Variants in CLUL1 observed in about 807,000 individuals in gnomAD.
CLUL1 encodes the protein clusterin-like protein 1.
In CLUL1, 43 loss-of-function variants were observed where a neutral mutation model predicts 49.4. The observed-to-expected ratio is 0.87, with a 90% CI of 0.68 to 1.12. The LOEUF (loss-of-function observed/expected upper bound fraction) is 1.12, where lower values mean the gene tolerates loss of function less well. Ranked by LOEUF, CLUL1 falls within the 50% of genes most tolerant of loss-of-function variation. The pLI, the probability that CLUL1 is intolerant of heterozygous loss-of-function variation, is 0.00. For synonymous variants in CLUL1, 192 were observed against 184.9 expected (o/e 1.04, Z -0.31); for missense variants, 486 against 544.4 (o/e 0.89, Z 1.07).
intron 7 of CLUL1, among the ~76,000 whole-genome samples, chr18:636,284 G>A (rs2074133446): frequency 6.6e-6 from 1 of 152,000 alleles, no homozygotes; most frequent in African/African-American, 2.4e-5. Flanking sequence ...TTGTAAATTG[G>A]GGACCATATG....
At chr18:605,965 C>A (rs2072962709) in intron 1 of CLUL1, among the ~76,000 whole-genome samples, 2 of 152,092 alleles carry the variant, frequency 1.3e-5, no homozygotes, top group Admixed American at 1.3e-4. Flanking sequence ...ACACCCAGCC[C>A]CAGTGTAGTC....
chr18:646,938 A>C (rs964578234), intron 9 of CLUL1, among the ~76,000 whole-genome samples: 1 of 151,832 alleles, frequency 6.6e-6, no homozygotes, highest in Non-Finnish European at 1.5e-5. Context: ...TTTAGTAGAG[A>C]CAGGGTTTCA....
intron 6 of CLUL1, among the ~76,000 whole-genome samples, chr18:632,449 G>C (rs1364391934): frequency 1.3e-5 from 2 of 152,028 alleles, no homozygotes; most frequent in African/African-American, 2.4e-5. Context: ...TAATATCTTT[G>C]AAACTTCTTC....
chr18:645,233 G>C (rs985947445), intron 9 of CLUL1, 136 bp downstream of exon 9: 3 of 570,690 alleles, frequency 5.3e-6, no homozygotes, highest in Non-Finnish European at 8.5e-6. Context: ...CAAACAAGAT[G>C]GCATTTTCTG....
intron 1 of CLUL1, among the ~76,000 whole-genome samples, chr18:604,624 G>T (rs987940191): frequency 2.0e-5 from 3 of 152,084 alleles, no homozygotes; most frequent in African/African-American, 7.2e-5. Flanking sequence ...CATAAACTAT[G>T]AACTTAAAAT....
Position 645,792 on chromosome 18 carries a change from T to TAAAAAAAAA in CLUL1, c.1397+706_1397+714dup, listed in dbSNP as rs869103727. On this transcript the variant is annotated intron_variant, in intron 9 of 9. Coordinates refer to ENST00000692774, the MANE Select transcript of CLUL1 (RefSeq NM_001393344.1). ...CTGGGCGACAGAGCGAGACTCTGTT[T>TAAAAAAAAA]AAAAAAAAAAAAAAAAAAATATATA... Among the ~76,000 whole-genome samples, 50 of 16,080 alleles carry TAAAAAAAAA rather than the reference T, an allele frequency of 3.1e-3. 21 individuals are homozygous for TAAAAAAAAA. Among genetic ancestry groups the TAAAAAAAAA allele is most frequent in the East Asian group, 0.024 (6 of 250 alleles). The allele number at this position is 16,080 out of a possible 152,430, so 10.5% of individuals were successfully genotyped here.
intron 7 of CLUL1, among the ~76,000 whole-genome samples, chr18:636,551 A>G (rs1336468239): frequency 6.6e-6 from 1 of 151,992 alleles, no homozygotes; most frequent in Non-Finnish European, 1.5e-5. Context: ...TGAGTTTAAT[A>G]GAGTCTATTA....
At chr18:641,270 C>A in intron 7 of CLUL1, 57 bp from the exon 8 acceptor site, 1 of 1,485,980 alleles carries the variant, frequency 6.7e-7, no homozygotes, top group Non-Finnish European at 9.4e-7. Flanking sequence ...GCCCATGTTG[C>A]CCACCTCCAA....
At chr18:619,686 A>G (rs895766611) in intron 4 of CLUL1, among the ~76,000 whole-genome samples, 2 of 150,914 alleles carry the variant, frequency 1.3e-5, no homozygotes, top group African/African-American at 4.9e-5. Context: ...TTTTTACTAG[A>G]TCAGTGGTCT....
In CLUL1 at chr18:628,576, C is replaced by T. The variant is rs564007451; in HGVS notation, c.856+1047C>T. Among the ~76,000 whole-genome samples, 4 of 152,126 alleles carry T rather than the reference C, an allele frequency of 2.6e-5. No individual in the cohort carries two copies. The South Asian group carries it at 6.2e-4, about 24-fold the overall frequency. ...ATTGACCCCTAAGCCAGGTTGAAGG[C>T]TGCTCCCCTCTGAGATGAAAAATAA... On this transcript the variant is annotated intron_variant, in intron 6 of 9. Transcript: ENST00000692774.
chr18:627,996 T>C (rs868704966), intron 6 of CLUL1, among the ~76,000 whole-genome samples: 1 of 152,146 alleles, frequency 6.6e-6, no homozygotes, highest in African/African-American at 2.4e-5. Context: ...GCTAATTTTT[T>C]TGTATTTTTA....
In CLUL1 at chr18:610,489, C is replaced by T. The variant is rs1163637080; in HGVS notation, c.-14+3390C>T. 3.3e-5 allele frequency among the ~76,000 whole-genome samples: 5 copies of T among 152,250 alleles called. No homozygotes were observed. In the South Asian group the frequency reaches 8.3e-4, roughly 25 times the overall value. On this transcript the variant is annotated intron_variant, in intron 2 of 9. Coordinates refer to ENST00000692774, the MANE Select transcript of CLUL1 (RefSeq NM_001393344.1). Reference sequence around the variant, plus strand: ...GGTTAGGAACTGTTGAAACTGAAATCCCTGAGGGCTGTGCCGACAGAGAGA... The same window carrying T: ...GGTTAGGAACTGTTGAAACTGAAATTCCTGAGGGCTGTGCCGACAGAGAGA...
At chr18:632,138 C>G (rs2074008367) in intron 6 of CLUL1, among the ~76,000 whole-genome samples, 1 of 152,158 alleles carries the variant, frequency 6.6e-6, no homozygotes, top group African/African-American at 2.4e-5. Context: ...GTCAAACACT[C>G]TATTGGGAAC....
At chr18:635,463 C>T (rs568588268) in intron 7 of CLUL1, among the ~76,000 whole-genome samples, 30 of 152,122 alleles carry the variant, frequency 2.0e-4, no homozygotes, top group Admixed American at 1.0e-3. Flanking sequence ...GATATGGGTC[C>T]GTGGCCCAGG....
rs553599836 is a variant in CLUL1, at chr18:627,510, T to C, written c.837T>C (p.Asp279=). 1 of 1,607,818 alleles carries C rather than the reference T, an allele frequency of 6.2e-7. No individual in the cohort carries two copies. The highest frequency in any genetic ancestry group is 1.7e-5 in the Admixed American group (1 of 59,522). ...TITKMLKAIE[D]LPKQDKAPDH... is the part of the protein sequence containing the mutation. ...CTAAGATGCTGAAGGCAATAGAAGATTTACCAAAACAAGACAAAGGCAAGT... is the reference window on the plus strand; with the variant it reads ...CTAAGATGCTGAAGGCAATAGAAGACTTACCAAAACAAGACAAAGGCAAGT... The change falls in exon 6 of 10, where the codon GAT becomes GAC. Residue 279 remains aspartate, a synonymous_variant. Coordinates refer to ENST00000692774, the MANE Select transcript of CLUL1 (RefSeq NM_001393344.1).
At position 618,091 on chromosome 18, in the gene CLUL1, A is replaced by G. The variant is rs757382899; in HGVS notation, c.91A>G (p.Ser31Gly). Reference protein sequence around the residue: ...APTWKDKTAISENLKSFSEVG... With the variant: ...APTWKDKTAIGENLKSFSEVG... ...CACTTGGAAGGACAAAACTGCTATC[A>G]GTGAAAACCTGAAGAGTACGTTTGG... is the stretch of plus-strand genomic sequence containing the variant. Residue 31 changes from serine to glycine, a missense_variant, in exon 3 of 10, where the codon AGT (serine) becomes GGT (glycine). By Grantham distance (56) the Ser-to-Gly change is moderately conservative. Transcript: ENST00000692774. This position sits in a 1 kb window ranked among gnomAD's most constrained non-coding sequence, Gnocchi z 4.2. 1 of 1,613,390 alleles carries G rather than the reference A, an allele frequency of 6.2e-7. No homozygotes were observed. Among genetic ancestry groups the G allele is most frequent in the East Asian group, 2.2e-5 (1 of 44,886 alleles).
At chr18:643,302 T>C (rs185947713) in intron 8 of CLUL1, among the ~76,000 whole-genome samples, 1 of 152,340 alleles carries the variant, frequency 6.6e-6, no homozygotes, top group East Asian at 1.9e-4. Context: ...GTGTATTCAT[T>C]ACTGCAGACC....
chr18:641,743 T>C (rs954541336), intron 8 of CLUL1, among the ~76,000 whole-genome samples: 5 of 152,212 alleles, frequency 3.3e-5, no homozygotes, highest in Non-Finnish European at 2.9e-5. Flanking sequence ...AGAAAATCAA[T>C]TTAAAACACA....
At chr18:607,333 T>C (rs896563017) in intron 2 of CLUL1, among the ~76,000 whole-genome samples, 7 of 152,226 alleles carry the variant, frequency 4.6e-5, no homozygotes, top group Admixed American at 3.3e-4. Context: ...TTCACCATGT[T>C]GGCCAGGCAG....
Sources: gnomAD v4.1 joint callset for allele counts (sites outside exome capture counted in the v4.1 genomes callset) on GRCh38, gnomAD v4.1.1 for gene constraint, Gnocchi (gnomAD v3.1) non-coding constraint, MANE v1.5 for transcripts, NCBI Gene and HGNC (gene_info 2026-07-23, HGNC 2026-07-21) for gene names.